The following EYA2 variants were observed in gnomAD, a reference collection of about 807,000 sequenced individuals.
EYA2 encodes the protein protein phosphatase EYA2.
Under a neutral mutation model 69.2 loss-of-function variants are expected in EYA2, and 31 were observed. The observed-to-expected ratio is 0.45, with a 90% CI of 0.34 to 0.60. EYA2 has a LOEUF of 0.60. EYA2 is among the 20% of genes least tolerant of loss of function. EYA2 has a pLI of 0.02. For synonymous variants in EYA2, 257 were observed against 279.4 expected (o/e 0.92, Z 0.80); for missense variants, 622 against 701.2 (o/e 0.89, Z 1.28).
At chr20:46,941,426 C>T (rs900996423) in intron 1 of EYA2, among the ~76,000 whole-genome samples, 1 of 152,218 alleles carries the variant, frequency 6.6e-6, no homozygotes, top group Admixed American at 6.5e-5. Flanking sequence ...CTTCATCTTT[C>T]TGGGGCTCAG....
chr20:46,953,855 G>A (rs1978954655), intron 1 of EYA2, among the ~76,000 whole-genome samples: 1 of 152,194 alleles, frequency 6.6e-6, no homozygotes, highest in African/African-American at 2.4e-5. Flanking sequence ...GAGCAAAGGA[G>A]CTCTCGTTGG....
chr20:47,161,032 T>C (rs1462219690), intron 10 of EYA2: 3 of 294,640 alleles, frequency 1.0e-5, no homozygotes, highest in Non-Finnish European at 1.9e-5. Context: ...CTTGGCGAAG[T>C]TTCCCAGGGT....
intron 5 of EYA2, among the ~76,000 whole-genome samples, chr20:47,063,981 GTC>G: frequency 6.6e-6 from 1 of 152,324 alleles, no homozygotes; most frequent in East Asian, 1.9e-4. Flanking sequence ...TAACAACAGG[GTC>G]TCACTCCCAT....
At chr20:47,168,615 C>G (rs1021319249) in intron 10 of EYA2, among the ~76,000 whole-genome samples, 2 of 151,740 alleles carry the variant, frequency 1.3e-5, no homozygotes, top group African/African-American at 4.9e-5. Context: ...AGTAAGTGCT[C>G]AGTAAATGAT....
rs536253149 is a variant in EYA2, at chr20:47,081,640, G to A, written c.661+7305G>A. On this transcript the variant is annotated intron_variant, in intron 7 of 15. Transcript: ENST00000327619. ...CTAAAAATACAAAAATTAGCCAGGC[G>A]TGGTGCCACACGCCTGTGATCCCAG... is the stretch of plus-strand genomic sequence containing the variant. Among the ~76,000 whole-genome samples, 48 of 151,662 alleles carry A rather than the reference G, an allele frequency of 3.2e-4. No individual in the cohort carries two copies. In the South Asian group the frequency reaches 6.0e-3, roughly 19 times the overall value.
chr20:47,021,911 G>C (rs532265724), intron 5 of EYA2, among the ~76,000 whole-genome samples: 1 of 151,942 alleles, frequency 6.6e-6, no homozygotes, highest in Non-Finnish European at 1.5e-5. Context: ...CCAGTAAACT[G>C]TGTGACCTTG....
intron 8 of EYA2, among the ~76,000 whole-genome samples, chr20:47,096,661 T>C (rs1455404224): frequency 6.6e-6 from 1 of 152,230 alleles, no homozygotes; most frequent in African/African-American, 2.4e-5. Flanking sequence ...AGTAAGGGTA[T>C]AAATATGTTA....
Position 47,045,845 on chromosome 20 carries a change from G to A in EYA2, c.416-26340G>A, listed in dbSNP as rs188905880. Among the ~76,000 whole-genome samples the A allele has an allele frequency of 6.8e-4, 104 of 151,976 alleles. No homozygotes were observed. The South Asian group carries it at 0.011, about 16-fold the overall frequency. ...ACTAACAATGGTTTGATGAAGTAGC[G>A]GTTTATTTCTCTCTTATGTAACAGT... On this transcript the variant is annotated intron_variant, in intron 5 of 15. Coordinates refer to ENST00000327619, the MANE Select transcript of EYA2 (RefSeq NM_005244.5).
chr20:47,062,712 G>A (rs2030939453), intron 5 of EYA2, among the ~76,000 whole-genome samples: 2 of 152,136 alleles, frequency 1.3e-5, no homozygotes, highest in Non-Finnish European at 2.9e-5. Context: ...TCCTCCCTCT[G>A]TCCAGAAGAG....
intron 5 of EYA2, among the ~76,000 whole-genome samples, chr20:47,057,901 G>A (rs1463677133): frequency 1.3e-5 from 2 of 152,214 alleles, no homozygotes; most frequent in Non-Finnish European, 2.9e-5. Flanking sequence ...CTTGAACCCT[G>A]CTCCACCCCT....
intron 10 of EYA2, among the ~76,000 whole-genome samples, chr20:47,150,784 G>A (rs1387467121): frequency 2.0e-5 from 3 of 151,896 alleles, no homozygotes; most frequent in South Asian, 2.1e-4. Context: ...AGGCAGCAGG[G>A]AAAAGGAGGC....
At chr20:47,089,104 T>C in intron 7 of EYA2, 135 bp from the exon 8 acceptor site, 1 of 1,000,042 alleles carries the variant, frequency 1.0e-6, no homozygotes, top group Non-Finnish European at 1.5e-6. Context: ...GCAGTTTTCA[T>C]CCTACGAGAT....
chr20:47,124,403 T>G lies in EYA2; in HGVS notation c.889-18656T>G, dbSNP rs76968429. 2.2e-3 allele frequency among the ~76,000 whole-genome samples: 342 copies of G among 152,330 alleles called. 2 individuals carry two copies. Among genetic ancestry groups the G allele is most frequent in the African/African-American group, 7.4e-3 (308 of 41,560 alleles). On this transcript the variant is annotated intron_variant, in intron 9 of 15. Transcript: ENST00000327619. ...AGTATCTTTTAAAGAGCTGCATCTT[T>G]AGAAGCACATTGCTGGTTATGTAAG... is the stretch of plus-strand genomic sequence containing the variant.
At chr20:46,936,175 A>G (rs906650481) in intron 1 of EYA2, among the ~76,000 whole-genome samples, 4 of 152,182 alleles carry the variant, frequency 2.6e-5, no homozygotes, top group Non-Finnish European at 4.4e-5. Context: ...ATGACATTTA[A>G]AAAAAGCCTT....
At chr20:46,921,182 A>G (rs981017557) in intron 1 of EYA2, among the ~76,000 whole-genome samples, 1 of 152,154 alleles carries the variant, frequency 6.6e-6, no homozygotes, top group African/African-American at 2.4e-5. Flanking sequence ...GGCTGTGGAG[A>G]CTTGGAGCCA....
chr20:47,174,329 C>T (rs975230927), intron 12 of EYA2, among the ~76,000 whole-genome samples: 1 of 152,226 alleles, frequency 6.6e-6, no homozygotes, highest in Non-Finnish European at 1.5e-5. Flanking sequence ...TACATACGGT[C>T]ATCTTAATGA....
At chr20:47,130,487 G>A (rs190976180) in intron 9 of EYA2, among the ~76,000 whole-genome samples, 92 of 151,712 alleles carry the variant, frequency 6.1e-4, no homozygotes, top group South Asian at 3.7e-3. Context: ...GGATGGTCTC[G>A]ATCTCCTGAC....
chr20:47,078,930 G>C (rs911253481), intron 7 of EYA2, among the ~76,000 whole-genome samples: 1 of 152,066 alleles, frequency 6.6e-6, no homozygotes, highest in Non-Finnish European at 1.5e-5. Flanking sequence ...GAATTTATCC[G>C]AAAGATAAAC....
chr20:47,125,476 A>AT (rs1296237761), intron 9 of EYA2, among the ~76,000 whole-genome samples: 14 of 151,978 alleles, frequency 9.2e-5, no homozygotes, highest in African/African-American at 3.1e-4. Context: ...GAATCAACTT[A>AT]TTTTTTCTTT....
Sources: allele counts gnomAD v4.1 joint callset (sites outside exome capture counted in the v4.1 genomes callset), GRCh38; gene constraint gnomAD v4.1.1; transcripts MANE v1.5; gene names NCBI Gene and HGNC (gene_info 2026-07-23, HGNC 2026-07-21).